The following STK39 variants were observed in gnomAD, a reference collection of about 807,000 sequenced individuals.
STK39 encodes STE20/SPS1-related proline-alanine-rich protein kinase.
A neutral mutation model predicts 77.8 loss-of-function variants in STK39; 20 were observed. That is an observed-to-expected ratio of 0.26 (90% CI 0.18 to 0.37). The LOEUF (loss-of-function observed/expected upper bound fraction) is 0.37, where lower values mean the gene tolerates loss of function less well. Ranked by LOEUF, STK39 falls within the 10% of genes least tolerant of loss-of-function variation. STK39 has a pLI of 1.00. For synonymous variants in STK39, 246 were observed against 234.1 expected (o/e 1.05, Z -0.47); for missense variants, 479 against 656.5 (o/e 0.73, Z 2.95).
At chr2:168,101,901 C>T (rs1183086094) in intron 10 of STK39, among the ~76,000 whole-genome samples, 1 of 152,032 alleles carries the variant, frequency 6.6e-6, no homozygotes, top group African/African-American at 2.4e-5. Flanking sequence ...GCTGTCACCC[C>T]AAAAAGAAAC....
At chr2:167,976,241 A>T (rs1574359265) in intron 16 of STK39, among the ~76,000 whole-genome samples, 1 of 152,206 alleles carries the variant, frequency 6.6e-6, no homozygotes, top group Non-Finnish European at 1.5e-5. Context: ...TTAGAAATAG[A>T]ATTCTGGATA....
At chr2:167,986,097 GATTT>G (rs1683550219) in intron 16 of STK39, among the ~76,000 whole-genome samples, 2 of 152,182 alleles carry the variant, frequency 1.3e-5, no homozygotes, top group African/African-American at 4.8e-5. Flanking sequence ...ACAACACAGT[GATTT>G]ATTAGAAATT....
chr2:168,070,833 AT>A (rs1685923414), intron 12 of STK39, among the ~76,000 whole-genome samples: 1 of 152,062 alleles, frequency 6.6e-6, no homozygotes, highest in Non-Finnish European at 1.5e-5. Flanking sequence ...CACAAGGCCA[AT>A]TTTTCAATGT....
chr2:168,201,312 G>C (rs774866840), intron 1 of STK39, among the ~76,000 whole-genome samples: 8 of 152,260 alleles, frequency 5.3e-5, no homozygotes, highest in Non-Finnish European at 1.2e-4. Context: ...GTGTCTGGCA[G>C]AAAGGTGTGG....
intron 8 of STK39, among the ~76,000 whole-genome samples, chr2:168,135,981 TA>T (rs1687822832): frequency 1.1e-5 from 1 of 90,416 alleles, no homozygotes; most frequent in South Asian, 4.6e-4. Context: ...GACGCTCTTC[TA>T]AAGGATTTTT....
rs561995859 is a variant in STK39 at position 168,012,750 on chromosome 2, TCAA to T, written c.1430-51_1430-49del. 1,775 of 1,513,250 alleles carry T rather than the reference TCAA, an allele frequency of 1.2e-3. 18 individuals are homozygous for T. In the African/African-American group the frequency reaches 0.022, roughly 19 times the overall value. 93.7% of individuals were successfully genotyped at this position (1,513,250 alleles called of 1,614,324 possible). A position where few individuals can be genotyped will look rare whatever the true frequency, so the allele number is the denominator to read the frequency against. ...TGTATTAGTAACCATAACATAAAAA[TCAA>T]CAACCCAGTACAATGTAAAATATAT... On this transcript the variant is annotated intron_variant, in intron 15 of 17. Coordinates refer to ENST00000355999, the MANE Select transcript of STK39 (RefSeq NM_013233.3).
intron 2 of STK39, among the ~76,000 whole-genome samples, chr2:168,170,235 T>A (rs6433040): frequency 6.6e-6 from 1 of 151,802 alleles, no homozygotes; most frequent in Non-Finnish European, 1.5e-5. Flanking sequence ...AACAATCTAT[T>A]GGTTAAATTA....
chr2:167,955,389 AAATGGG>A lies in STK39; in HGVS notation c.*101_*106del. 9.3e-7 allele frequency: 1 copy of A among 1,069,660 alleles called. No individual in the cohort carries two copies. Among genetic ancestry groups the A allele is most frequent in the Admixed American group, 2.5e-5 (1 of 39,986 alleles). 66.3% of individuals were successfully genotyped at this position (1,069,660 alleles called of 1,614,324 possible). A position where few individuals can be genotyped will look rare whatever the true frequency, so the allele number is the denominator to read the frequency against. On this transcript the variant is annotated 3_prime_UTR_variant, in exon 18 of 18. Coordinates refer to ENST00000355999, the MANE Select transcript of STK39 (RefSeq NM_013233.3). Reference sequence around the variant, plus strand: ...TTCACAATCTTCTGATTTTGCTAGGAAATGGGAGTGAGGGGGTGGGAGGAAATGGGC... The same window carrying A: ...TTCACAATCTTCTGATTTTGCTAGGAAGTGAGGGGGTGGGAGGAAATGGGC...
intron 14 of STK39, among the ~76,000 whole-genome samples, chr2:168,036,046 GA>G (rs1427693994): frequency 6.6e-6 from 1 of 152,214 alleles, no homozygotes; most frequent in East Asian, 1.9e-4. Context: ...GTCAAAGATG[GA>G]GGGGAGAGGA....
chr2:167,997,109 C>T (rs1219394955), intron 16 of STK39, among the ~76,000 whole-genome samples: 3 of 150,914 alleles, frequency 2.0e-5, no homozygotes, highest in East Asian at 3.9e-4. Flanking sequence ...TATTACACTA[C>T]TTTCCAGCTC....
chr2:168,157,317 G>C (rs1391063093), intron 5 of STK39, among the ~76,000 whole-genome samples: 1 of 152,196 alleles, frequency 6.6e-6, no homozygotes, highest in Non-Finnish European at 1.5e-5. Context: ...GAGGCATTTT[G>C]ATGGTAACTT....
chr2:168,104,963 A>C (rs12692873), intron 10 of STK39, among the ~76,000 whole-genome samples: 57,678 of 152,050 alleles, frequency 0.38, 11,907 homozygotes, highest in South Asian at 0.53. Flanking sequence ...GGTAGTAACA[A>C]AAAGGAATGA....
chr2:168,106,963 TC>T (rs1213188188), intron 10 of STK39, among the ~76,000 whole-genome samples: 2 of 152,320 alleles, frequency 1.3e-5, no homozygotes, highest in South Asian at 4.1e-4. Flanking sequence ...AACTTGTTAA[TC>T]AAAAAATGTT....
At chr2:168,219,458 A>G (rs946496068) in intron 1 of STK39, among the ~76,000 whole-genome samples, 17 of 152,048 alleles carry the variant, frequency 1.1e-4, no homozygotes, top group Non-Finnish European at 2.2e-4. Flanking sequence ...CCTCAGGGAG[A>G]AGGAGGCTTT....
intron 16 of STK39, among the ~76,000 whole-genome samples, chr2:167,987,443 G>A (rs1363635052): frequency 3.9e-5 from 6 of 152,036 alleles, no homozygotes; most frequent in Non-Finnish European, 8.8e-5. Context: ...ATGGAAGGCT[G>A]TAGAGTATTC....
chr2:168,109,885 G>A, intron 10 of STK39, among the ~76,000 whole-genome samples: 1 of 152,132 alleles, frequency 6.6e-6, no homozygotes, highest in East Asian at 1.9e-4. Flanking sequence ...TTTTTTGTGT[G>A]TTTATGTTCA....
At chr2:167,966,685 C>G (rs1409507079) in intron 16 of STK39, among the ~76,000 whole-genome samples, 2 of 152,160 alleles carry the variant, frequency 1.3e-5, no homozygotes, top group African/African-American at 4.8e-5. Flanking sequence ...CAAGATGGAG[C>G]TGCCTGCATC....
chr2:168,035,648 C>T (rs997875235), intron 14 of STK39, among the ~76,000 whole-genome samples: 6 of 152,062 alleles, frequency 3.9e-5, no homozygotes, highest in Non-Finnish European at 8.8e-5. Flanking sequence ...TGTTAGGACT[C>T]CAAAAGAGAA....
intron 1 of STK39, among the ~76,000 whole-genome samples, chr2:168,238,229 T>C (rs771266897): frequency 6.6e-6 from 1 of 152,192 alleles, no homozygotes; most frequent in Non-Finnish European, 1.5e-5. Context: ...GGCTCCAAAA[T>C]ACTCCCTGAA....
Sources: allele counts gnomAD v4.1 joint callset (sites outside exome capture counted in the v4.1 genomes callset), GRCh38; gene constraint gnomAD v4.1.1; transcripts MANE v1.5; gene names NCBI Gene and HGNC (gene_info 2026-07-23, HGNC 2026-07-21).